The following SYNDIG1 variants were observed in gnomAD, a reference collection of about 807,000 sequenced individuals.
The protein encoded by SYNDIG1 is synapse differentiation inducing 1.
A neutral mutation model predicts 19.4 loss-of-function variants in SYNDIG1; 9 were observed. The ratio of observed to expected loss-of-function variants is 0.46; its 90% CI spans 0.28 to 0.81. The LOEUF is 0.81. SYNDIG1 is among the 30% of genes least tolerant of loss of function. SYNDIG1 has a pLI of 0.12. For missense variants in SYNDIG1, 311 were observed against 343.3 expected, an observed-to-expected ratio of 0.91 and a Z score of 0.74; for synonymous variants, 141 against 145.9, an observed-to-expected ratio of 0.97 and a Z score of 0.24.
intron 3 of SYNDIG1, among the ~76,000 whole-genome samples, chr20:24,585,925 G>A (rs1054284453): frequency 1.3e-5 from 2 of 152,234 alleles, no homozygotes; most frequent in Admixed American, 1.3e-4. Flanking sequence ...GACCAGGGCT[G>A]CACACAACTG....
intron 1 of SYNDIG1, among the ~76,000 whole-genome samples, chr20:24,536,337 A>C (rs2057360842): frequency 6.6e-6 from 1 of 152,166 alleles, no homozygotes; most frequent in African/African-American, 2.4e-5. Context: ...TTGTCTCCAG[A>C]GGCAGGGAGG....
chr20:24,501,148 C>G (rs2056444739), intron 1 of SYNDIG1, among the ~76,000 whole-genome samples: 1 of 152,178 alleles, frequency 6.6e-6, no homozygotes, highest in South Asian at 2.1e-4. Flanking sequence ...ATGTAGACAG[C>G]ATATTTACAT....
chr20:24,600,472 T>C (rs2058662469), intron 3 of SYNDIG1, among the ~76,000 whole-genome samples: 1 of 152,092 alleles, frequency 6.6e-6, no homozygotes, highest in Admixed American at 6.5e-5. Flanking sequence ...CCATCCTTCC[T>C]CCTTATCGCT....
chr20:24,659,248 T>G (rs564131562), intron 3 of SYNDIG1, among the ~76,000 whole-genome samples: 6 of 152,302 alleles, frequency 3.9e-5, no homozygotes, highest in Admixed American at 3.9e-4. Context: ...CTTAATAGCT[T>G]GTGGATTGCA....
intron 1 of SYNDIG1, among the ~76,000 whole-genome samples, chr20:24,499,117 C>T (rs2056377700): frequency 6.6e-6 from 1 of 152,178 alleles, no homozygotes; most frequent in African/African-American, 2.4e-5. Context: ...CTCTGCCTCC[C>T]AGGTTCAAGT....
intron 3 of SYNDIG1, among the ~76,000 whole-genome samples, chr20:24,625,878 G>T: frequency 6.6e-6 from 1 of 152,256 alleles, no homozygotes; most frequent in East Asian, 1.9e-4. Context: ...GAGCTGTTGG[G>T]TACACCTCCC....
intron 1 of SYNDIG1, among the ~76,000 whole-genome samples, chr20:24,536,428 C>G (rs1417244457): frequency 6.6e-6 from 1 of 152,148 alleles, no homozygotes; most frequent in Non-Finnish European, 1.5e-5. Context: ...CATTGCCACC[C>G]CATTCAGGAG....
intron 3 of SYNDIG1, among the ~76,000 whole-genome samples, chr20:24,660,090 T>C (rs1394360839): frequency 6.6e-6 from 1 of 152,222 alleles, no homozygotes; most frequent in Non-Finnish European, 1.5e-5. Context: ...TGAAATTTAT[T>C]CCATGACTAT....
chr20:24,660,361 G>A (rs2059571941), intron 3 of SYNDIG1, among the ~76,000 whole-genome samples: 1 of 152,234 alleles, frequency 6.6e-6, no homozygotes, highest in Non-Finnish European at 1.5e-5. Flanking sequence ...ATCCCACCAG[G>A]AGTGCAGGGG....
At chr20:24,516,212 C>T (rs1045419946) in intron 1 of SYNDIG1, among the ~76,000 whole-genome samples, 14 of 152,000 alleles carry the variant, frequency 9.2e-5, no homozygotes, top group Non-Finnish European at 1.3e-4. Context: ...AATGCTAGAC[C>T]GAAAACCATA....
chr20:24,660,974 A>G (rs1044086997), intron 3 of SYNDIG1, among the ~76,000 whole-genome samples: 7 of 152,226 alleles, frequency 4.6e-5, no homozygotes, highest in African/African-American at 1.7e-4. Context: ...CTGGACATGC[A>G]TGGAGCCAGC....
intron 3 of SYNDIG1, among the ~76,000 whole-genome samples, chr20:24,621,470 C>T (rs941185097): frequency 2.0e-5 from 3 of 152,208 alleles, no homozygotes; most frequent in South Asian, 2.1e-4. Context: ...AGTTTACACT[C>T]TGCTTATTCA....
intron 1 of SYNDIG1, among the ~76,000 whole-genome samples, chr20:24,506,408 A>C (rs982842807): frequency 6.6e-6 from 1 of 152,208 alleles, no homozygotes; most frequent in African/African-American, 2.4e-5. Context: ...AGGAGACAGA[A>C]ATTCCCCCAA....
At chr20:24,519,839 G>GCACACACA (rs148158255) in intron 1 of SYNDIG1, among the ~76,000 whole-genome samples, 1 of 148,122 alleles carries the variant, frequency 6.8e-6, no homozygotes, top group Non-Finnish European at 1.5e-5. Flanking sequence ...ACGCGCACAT[G>GCACACACA]CACACACACA....
At chr20:24,600,483 G>T (rs2058662603) in intron 3 of SYNDIG1, among the ~76,000 whole-genome samples, 1 of 151,940 alleles carries the variant, frequency 6.6e-6, no homozygotes, top group Admixed American at 6.6e-5. Flanking sequence ...CCTTATCGCT[G>T]CCCTTCCTCC....
At chr20:24,598,226 A>C (rs2058626195) in intron 3 of SYNDIG1, among the ~76,000 whole-genome samples, 1 of 152,196 alleles carries the variant, frequency 6.6e-6, no homozygotes. Context: ...TCACGAAACA[A>C]GAATGGCAGC....
intron 1 of SYNDIG1, among the ~76,000 whole-genome samples, chr20:24,476,095 A>G (rs1056024606): frequency 1.3e-5 from 2 of 152,000 alleles, no homozygotes; most frequent in South Asian, 4.2e-4. Context: ...TCCTGACCTT[A>G]AGTGATCTGC....
rs547861547 is a variant in SYNDIG1, at chr20:24,517,443, A to G, written c.-78-25577A>G. Among the ~76,000 whole-genome samples, 12 of 150,150 alleles carry G rather than the reference A, an allele frequency of 8.0e-5. No individual in the cohort carries two copies. The East Asian group carries it at 2.0e-3, about 25-fold the overall frequency. ...ATCCTGGCTAACACGGTGAAACCCC[A>G]TCTCTACTAAAAATACAACAAAAAA... is the stretch of plus-strand genomic sequence containing the variant. On this transcript the variant is annotated intron_variant, in intron 1 of 3. Coordinates refer to ENST00000376862, the MANE Select transcript of SYNDIG1 (RefSeq NM_024893.3).
chr20:24,519,725 A>C (rs1568605918), intron 1 of SYNDIG1, among the ~76,000 whole-genome samples: 1 of 152,106 alleles, frequency 6.6e-6, no homozygotes. Flanking sequence ...TGTATTACTC[A>C]TGCAACCCTC....
Sources: gnomAD v4.1 joint callset for allele counts (sites outside exome capture counted in the v4.1 genomes callset) on GRCh38, gnomAD v4.1.1 for gene constraint, MANE v1.5 for transcripts, NCBI Gene and HGNC (gene_info 2026-07-23, HGNC 2026-07-21) for gene names.